PRRG4: variants seen among roughly 807,000 people sequenced by gnomAD.
PRRG4 encodes transmembrane gamma-carboxyglutamic acid protein 4.
A neutral mutation model predicts 20.0 loss-of-function variants in PRRG4; 12 were observed. The ratio of observed to expected loss-of-function variants is 0.60; its 90% confidence interval spans 0.38 to 0.97. The LOEUF (loss-of-function observed/expected upper bound fraction) is 0.97, where lower values mean the gene tolerates loss of function less well. Among genes scored for constraint, PRRG4 ranks in the 50% least tolerant of loss-of-function variants. The pLI is 0.00. For synonymous variants in PRRG4, 94 were observed against 96.4 expected (o/e 0.98, Z 0.15); for missense variants, 199 against 265.1 (o/e 0.75, Z 1.73).
intron 5 of PRRG4, among the ~76,000 whole-genome samples, chr11:32,846,966 C>T (rs923943560): frequency 4.6e-5 from 7 of 151,252 alleles, no homozygotes; most frequent in African/African-American, 1.7e-4. Flanking sequence ...CCACTGCACT[C>T]CAGCCTGGCA....
rs1851047458 is a variant in PRRG4, at chr11:32,838,731, A to T, written c.268-151A>T. On this transcript the variant is annotated intron_variant, in intron 3 of 5. Transcript: ENST00000257836. Reference sequence around the variant, plus strand: ...AGCTGTGGGTGGTAGTGATTTAATTAGAGTGAGTCACACCCTCCAGCTTGA... The same window carrying T: ...AGCTGTGGGTGGTAGTGATTTAATTTGAGTGAGTCACACCCTCCAGCTTGA... 1.0e-5 allele frequency: 6 copies of T among 573,212 alleles called. No homozygotes were observed. The South Asian group carries it at 1.3e-4, about 13-fold the overall frequency. 35.5% of individuals were successfully genotyped at this position (573,212 alleles called of 1,614,324 possible).
At position 32,855,962 on chromosome 11, in the gene PRRG4, G is replaced by A. The variant is rs550582513; in HGVS notation, c.*2435G>A. ...GCACACTTTTCTAGTCCCATGTCAT[G>A]CCTATAAAATTACACTGCCTCGAAT... On this transcript the variant is annotated 3_prime_UTR_variant, in exon 6 of 6. Coordinates refer to ENST00000257836, the MANE Select transcript of PRRG4 (RefSeq NM_024081.6). 6.6e-6 allele frequency: 1 copy of A among 152,126 alleles called. No individual in the cohort carries two copies. Among genetic ancestry groups the A allele is most frequent in the Non-Finnish European group, 1.5e-5 (1 of 68,020 alleles). 9.4% of individuals were successfully genotyped at this position (152,126 alleles called of 1,614,324 possible). A position where few individuals can be genotyped will look rare whatever the true frequency, so the allele number is the denominator to read the frequency against.
At chr11:32,837,979 G>C (rs1210125163) in intron 3 of PRRG4, among the ~76,000 whole-genome samples, 1 of 152,042 alleles carries the variant, frequency 6.6e-6, no homozygotes. Flanking sequence ...AGTATTTGCT[G>C]TTTCTATTAA....
At chr11:32,844,592 C>CT (rs1293454675) in intron 5 of PRRG4, among the ~76,000 whole-genome samples, 1 of 151,790 alleles carries the variant, frequency 6.6e-6, no homozygotes, top group Non-Finnish European at 1.5e-5. Context: ...CCTCTGCCTC[C>CT]TGGGTTCAAG....
chr11:32,841,968 C>T (rs1191907541), intron 5 of PRRG4, among the ~76,000 whole-genome samples: 1 of 152,128 alleles, frequency 6.6e-6, no homozygotes, highest in African/African-American at 2.4e-5. Context: ...AAGATAATTA[C>T]AACAACATGG....
In PRRG4 at chr11:32,833,293, CAT is replaced by C. The variant is rs1409059595; in HGVS notation, c.103+2664_103+2665del. ...TAATAGCATGATTAATCATAAATAT[CAT>C]ATTTATGATATTGGCATAAATATTA... On this transcript the variant is annotated intron_variant, in intron 2 of 5. Coordinates refer to ENST00000257836, the MANE Select transcript of PRRG4 (RefSeq NM_024081.6). Among the ~76,000 whole-genome samples, 8 of 152,060 alleles carry C rather than the reference CAT, an allele frequency of 5.3e-5. 1 individual carries two copies. The highest frequency in any genetic ancestry group is 5.2e-4 in the Admixed American group (8 of 15,272).
Position 32,840,074 on chromosome 11 carries a change from T to C in PRRG4, c.317-33T>C. On this transcript the variant is annotated intron_variant, in intron 4 of 5. Coordinates refer to ENST00000257836, the MANE Select transcript of PRRG4 (RefSeq NM_024081.6). This position sits in a 1 kb window ranked among gnomAD's most constrained non-coding sequence, Gnocchi z 4.1. ...ATCATAGGTGATGCTATATAGTTGT[T>C]ATATTTATGTTATTTTAATGATTTA... 6.7e-7 allele frequency: 1 copy of C among 1,499,366 alleles called. No individual in the cohort carries two copies. The highest frequency in any genetic ancestry group is 1.1e-5 in the South Asian group (1 of 87,782). 92.9% of individuals were successfully genotyped at this position (1,499,366 alleles called of 1,614,324 possible). A position where few individuals can be genotyped will look rare whatever the true frequency, so the allele number is the denominator to read the frequency against.
intron 3 of PRRG4, among the ~76,000 whole-genome samples, chr11:32,838,477 AC>A (rs1480181677): frequency 3.9e-5 from 6 of 152,026 alleles, no homozygotes; most frequent in African/African-American, 1.4e-4. Context: ...ATCTCCTGAG[AC>A]AAACTGAGGG....
At chr11:32,847,940 A>G (rs1271525096) in intron 5 of PRRG4, among the ~76,000 whole-genome samples, 1 of 152,260 alleles carries the variant, frequency 6.6e-6, no homozygotes, top group Non-Finnish European at 1.5e-5. Flanking sequence ...GGCAAGATCT[A>G]GGATAGGCAA....
intron 5 of PRRG4, among the ~76,000 whole-genome samples, chr11:32,851,330 A>C (rs1851181606): frequency 6.6e-6 from 1 of 152,208 alleles, no homozygotes; most frequent in Non-Finnish European, 1.5e-5. Context: ...TTATTTATTC[A>C]AATAAAATAT....
Position 32,840,673 on chromosome 11 carries a change from C to T in PRRG4, c.449+434C>T, listed in dbSNP as rs1159836550. ...AACCTAATGATGCTATTTCTAAGGT[C>T]CTTCGAAAGAATACAAGAAGTTTCA... On this transcript the variant is annotated intron_variant, in intron 5 of 5. Coordinates refer to ENST00000257836, the MANE Select transcript of PRRG4 (RefSeq NM_024081.6). The surrounding 1 kb of genome is among the most constrained non-coding windows in gnomAD (Gnocchi z 4.1). Among the ~76,000 whole-genome samples, 1 of 152,144 alleles carries T rather than the reference C, an allele frequency of 6.6e-6. No individual in the cohort carries two copies. Among genetic ancestry groups the T allele is most frequent in the African/African-American group, 2.4e-5 (1 of 41,440 alleles).
chr11:32,845,790 G>C (rs955703898), intron 5 of PRRG4, among the ~76,000 whole-genome samples: 9 of 152,082 alleles, frequency 5.9e-5, no homozygotes, highest in Non-Finnish European at 1.2e-4. Context: ...CAGGAGCAAA[G>C]ACAGGTACTA....
chr11:32,839,855 A>T (rs1033381397), intron 4 of PRRG4, among the ~76,000 whole-genome samples: 5 of 146,980 alleles, frequency 3.4e-5, no homozygotes, highest in African/African-American at 9.8e-5. Context: ...TTAAATATTT[A>T]AAAAATATAT....
intron 2 of PRRG4, among the ~76,000 whole-genome samples, chr11:32,831,519 C>T (rs1001506300): frequency 3.3e-5 from 5 of 152,126 alleles, no homozygotes; most frequent in Admixed American, 2.6e-4. Flanking sequence ...AACCCAAAGG[C>T]GTGAAACTCT....
chr11:32,847,533 T>A (rs372341769), intron 5 of PRRG4, among the ~76,000 whole-genome samples: 2 of 152,220 alleles, frequency 1.3e-5, no homozygotes, highest in South Asian at 4.1e-4. Flanking sequence ...TGGAACCTCA[T>A]ATTCACATTG....
At chr11:32,842,996 C>T (rs894991282) in intron 5 of PRRG4, among the ~76,000 whole-genome samples, 5 of 151,914 alleles carry the variant, frequency 3.3e-5, no homozygotes, top group Admixed American at 6.6e-5. Flanking sequence ...GGATTACAGG[C>T]GTGTGCCACC....
intron 2 of PRRG4, among the ~76,000 whole-genome samples, chr11:32,836,239 C>G (rs1851018572): frequency 6.6e-6 from 1 of 152,070 alleles, no homozygotes; most frequent in South Asian, 2.1e-4. Flanking sequence ...ATAACTTAAG[C>G]TAAATCAGAA....
intron 5 of PRRG4, among the ~76,000 whole-genome samples, chr11:32,841,736 G>A (rs914745435): frequency 1.3e-5 from 2 of 152,026 alleles, no homozygotes; most frequent in Non-Finnish European, 2.9e-5. Context: ...TCTGAGCCTA[G>A]GAAGTCAAGG....
At chr11:32,848,306 C>A (rs1851149050) in intron 5 of PRRG4, among the ~76,000 whole-genome samples, 1 of 152,166 alleles carries the variant, frequency 6.6e-6, no homozygotes, top group Non-Finnish European at 1.5e-5. Flanking sequence ...CCCTCATGAC[C>A]TAAAAGCCTC....
Sources: allele counts gnomAD v4.1 joint callset (sites outside exome capture counted in the v4.1 genomes callset), GRCh38; gene constraint gnomAD v4.1.1; non-coding constraint Gnocchi (gnomAD v3.1); transcripts MANE v1.5; gene names NCBI Gene and HGNC (gene_info 2026-07-23, HGNC 2026-07-21).